ZBTB17: variants seen among roughly 807,000 people sequenced by gnomAD.
ZBTB17 encodes zinc finger and BTB domain-containing protein 17.
ZBTB17 carries 24 observed loss-of-function variants against 85.1 expected under a neutral mutation model. That is an observed-to-expected ratio of 0.28 (90% CI 0.20 to 0.40). ZBTB17 has a LOEUF of 0.40. ZBTB17 is among the 10% of genes least tolerant of loss of function. ZBTB17 has a pLI of 1.00. For missense variants in ZBTB17, 743 were observed against 1,105.1 expected (o/e 0.67, Z 4.65); for synonymous variants, 464 against 460.2 (o/e 1.01, Z -0.11).
chr1:15,970,487 G>GTGA (rs1553187086), intron 2 of ZBTB17, among the ~76,000 whole-genome samples: 2 of 151,220 alleles, frequency 1.3e-5, no homozygotes, highest in African/African-American at 4.9e-5. Flanking sequence ...CGCCTCCCGG[G>GTGA]TTCTCCTGCC....
chr1:15,959,548 G>T (rs1295579742), intron 2 of ZBTB17, among the ~76,000 whole-genome samples: 1 of 139,422 alleles, frequency 7.2e-6, no homozygotes, highest in Admixed American at 7.0e-5. Context: ...AGGGAGGAGA[G>T]GGAGGGAGGA....
intron 2 of ZBTB17, among the ~76,000 whole-genome samples, chr1:15,972,637 A>G (rs531567997): frequency 6.6e-5 from 10 of 152,340 alleles, no homozygotes; most frequent in African/African-American, 2.4e-4. Context: ...AGCTTGGACC[A>G]TGAGATGGAA....
intron 7 of ZBTB17, 44 bp downstream of exon 7, chr1:15,944,893 G>A (rs927327243): frequency 5.8e-6 from 9 of 1,563,186 alleles, no homozygotes; most frequent in African/African-American, 4.1e-5. Flanking sequence ...GGAGGCCGGA[G>A]GGGAGGGACG....
At chr1:15,950,097 G>A (rs2071776479) in intron 2 of ZBTB17, among the ~76,000 whole-genome samples, 1 of 152,234 alleles carries the variant, frequency 6.6e-6, no homozygotes, top group African/African-American at 2.4e-5. Context: ...GGAGAGCCAG[G>A]GCCAGCCCCG....
Position 15,966,945 on chromosome 1 carries a change from A to C in ZBTB17, c.-3+6094T>G, listed in dbSNP as rs953217140. On this transcript the variant is annotated intron_variant, in intron 2 of 15. Coordinates refer to ENST00000375743, the MANE Select transcript of ZBTB17 (RefSeq NM_003443.3). The surrounding 1 kb of genome is among the most constrained non-coding windows in gnomAD (Gnocchi z 4.1). The stretch of plus-strand genomic sequence containing the variant: ...AATTAATTAATTAATTAAAAAACAA[A>C]AAAAAAAGCCGTGGCCAGCAAAAGA... 1.3e-5 allele frequency among the ~76,000 whole-genome samples: 2 copies of C among 151,918 alleles called. No homozygotes were observed. The highest frequency in any genetic ancestry group is 2.4e-5 in the African/African-American group (1 of 41,336).
Position 15,966,201 on chromosome 1 carries a change from T to C in ZBTB17, c.-3+6838A>G, listed in dbSNP as rs2072435290. 6.6e-6 allele frequency among the ~76,000 whole-genome samples: 1 copy of C among 152,052 alleles called. No individual in the cohort carries two copies. On this transcript the variant is annotated intron_variant, in intron 2 of 15. Transcript: ENST00000375743. The surrounding 1 kb of genome is among the most constrained non-coding windows in gnomAD (Gnocchi z 4.1). ...GCCCCGAGACTACAGAAATGAGAAG[T>C]GCTTTGCTCTCTGAGCTCTGGTGAT...
intron 7 of ZBTB17, 26 bp downstream of exon 7, chr1:15,944,911 G>T: frequency 6.4e-7 from 1 of 1,563,316 alleles, no homozygotes; most frequent in Admixed American, 1.9e-5. Flanking sequence ...ACGCTGGCTG[G>T]GAGGGCTGGC....
At chr1:15,944,075 CCA>C (rs1172334229) in intron 9 of ZBTB17, 180 bp from the exon 10 acceptor site, 6 of 975,676 alleles carry the variant, frequency 6.1e-6, no homozygotes, top group Non-Finnish European at 9.5e-6. Flanking sequence ...CCGCCCCACC[CCA>C]TTTTTTCAGG....
intron 1 of ZBTB17, among the ~76,000 whole-genome samples, chr1:15,974,341 T>C (rs1218310509): frequency 6.6e-6 from 1 of 150,448 alleles, no homozygotes; most frequent in Non-Finnish European, 1.5e-5. Flanking sequence ...TTCCTTTTTT[T>C]TTTTTTTTCT....
At chr1:15,943,980 T>G (rs748407949) in intron 9 of ZBTB17, 85 bp from the exon 10 acceptor site, 1 of 1,333,294 alleles carries the variant, frequency 7.5e-7, no homozygotes, top group East Asian at 2.5e-5. Flanking sequence ...AAGGAACAAT[T>G]GACTCTCAGG....
At chr1:15,962,284 T>C (rs1213096817) in intron 2 of ZBTB17, among the ~76,000 whole-genome samples, 1 of 152,224 alleles carries the variant, frequency 6.6e-6, no homozygotes, top group Non-Finnish European at 1.5e-5. Context: ...AACTGTGCCC[T>C]GTGCAGAGAG....
chr1:15,969,762 G>A (rs2072575350), intron 2 of ZBTB17: 10 of 501,730 alleles, frequency 2.0e-5, no homozygotes, highest in South Asian at 1.6e-4. Flanking sequence ...TCATGGGACA[G>A]TGTCAAACAA....
At chr1:15,947,370 G>C in intron 3 of ZBTB17, 1 of 520,020 alleles carries the variant, frequency 1.9e-6, no homozygotes, top group Non-Finnish European at 3.5e-6. Context: ...CAAAAGGTGT[G>C]AACGCCCACC....
In ZBTB17 at chr1:15,943,596, CACCT is replaced by C. The variant is rs1408523963; in HGVS notation, c.1575_1576+2del. ...GTCCTGGGCATGGCCGCTCACCACC[CACCT>C]GTGTGAATGCGGACGTGCCGCTGCA... On this transcript the variant is annotated splice_donor_variant and coding_sequence_variant, in exon 11 of 16. Transcript: ENST00000375743. LOFTEE classifies it high-confidence loss of function. 8 of 1,612,876 alleles carry C rather than the reference CACCT, an allele frequency of 5.0e-6. No homozygotes were observed. Among genetic ancestry groups the C allele is most frequent in the Non-Finnish European group, 5.9e-6 (7 of 1,179,962 alleles).
intron 2 of ZBTB17, among the ~76,000 whole-genome samples, chr1:15,958,774 T>C (rs1221621702): frequency 2.6e-5 from 4 of 152,074 alleles, no homozygotes; most frequent in Non-Finnish European, 1.5e-5. Flanking sequence ...AGAAAGACCT[T>C]TGGGCAGGGG....
At position 15,944,681 on chromosome 1, in the gene ZBTB17, C is replaced by T. The variant is rs543094286; in HGVS notation, c.1070+16G>A. The T allele has an allele frequency of 4.4e-6, 7 of 1,604,960 alleles. No individual in the cohort carries two copies. Among genetic ancestry groups the T allele is most frequent in the African/African-American group, 1.3e-5 (1 of 75,044 alleles). ...CCTGGCAGGGGCCGGGGTAGGAGGC[C>T]GGCTTGGGGCAGTACCTGTGCGTCT... On this transcript the variant is annotated intron_variant, in intron 8 of 15. Coordinates refer to ENST00000375743, the MANE Select transcript of ZBTB17 (RefSeq NM_003443.3).
At chr1:15,967,997 G>A (rs2072504425) in intron 2 of ZBTB17, among the ~76,000 whole-genome samples, 1 of 152,090 alleles carries the variant, frequency 6.6e-6, no homozygotes, top group Non-Finnish European at 1.5e-5. Flanking sequence ...AGACATTCTG[G>A]GGTGTCACCA....
chr1:15,948,094 C>A (rs2071688315), intron 3 of ZBTB17, 197 bp downstream of exon 3: 2 of 663,534 alleles, frequency 3.0e-6, no homozygotes, highest in Non-Finnish European at 5.3e-6. Flanking sequence ...CTCCCCTTAC[C>A]ACTCCACTAC....
chr1:15,962,096 A>G (rs2072280439), intron 2 of ZBTB17, among the ~76,000 whole-genome samples: 1 of 151,970 alleles, frequency 6.6e-6, no homozygotes, highest in South Asian at 2.1e-4. Context: ...GGTCCCAGCC[A>G]CTCGGGAGGC....
Sources: allele counts gnomAD v4.1 joint callset (sites outside exome capture counted in the v4.1 genomes callset), GRCh38; gene constraint gnomAD v4.1.1; non-coding constraint Gnocchi (gnomAD v3.1); transcripts MANE v1.5; gene names NCBI Gene and HGNC (gene_info 2026-07-23, HGNC 2026-07-21).